NRAP: variants seen among roughly 807,000 people sequenced by gnomAD.
NRAP encodes nebulin related anchoring protein.
In NRAP, 189 loss-of-function variants were observed where a neutral mutation model predicts 225.9. That is an observed-to-expected ratio of 0.84 (90% CI 0.74 to 0.94). The LOEUF (loss-of-function observed/expected upper bound fraction) is 0.94. Among genes scored for constraint, NRAP ranks in the 40% least tolerant of loss-of-function variants. The probability of loss-of-function intolerance (pLI) is 0.00; values close to 1 mark genes in which losing one functional copy is unlikely to be tolerated. For missense variants in NRAP, 2,176 were observed against 2,168.7 expected (o/e 1.00, Z -0.07); for synonymous variants, 769 against 790.7 (o/e 0.97, Z 0.46).
At chr10:113,634,553 AC>A (rs1301879696) in intron 14 of NRAP, among the ~76,000 whole-genome samples, 1 of 152,216 alleles carries the variant, frequency 6.6e-6, no homozygotes, top group Non-Finnish European at 1.5e-5. Flanking sequence ...TGCTGGTAAC[AC>A]AAAGTGTTGG....
At chr10:113,647,542 G>A (rs61865008) in intron 9 of NRAP, among the ~76,000 whole-genome samples, 14,533 of 61,000 alleles carry the variant, frequency 0.24, 1,592 homozygotes, top group East Asian at 0.35. Context: ...TGTCTCCCCC[G>A]GTGGTACTGT....
intron 4 of NRAP, among the ~76,000 whole-genome samples, chr10:113,654,507 CA>C (rs56238053): frequency 0.093 from 11,942 of 128,518 alleles, 452 homozygotes; most frequent in South Asian, 0.15. Context: ...GCAATAAAAG[CA>C]AAAAAAAAAA....
At chr10:113,641,833 G>A (rs12771278) in intron 12 of NRAP, among the ~76,000 whole-genome samples, 13,039 of 152,184 alleles carry the variant, frequency 0.086, 660 homozygotes, top group South Asian at 0.17. Context: ...CTATGCGGAC[G>A]TCACATGCAA....
At position 113,645,943 on chromosome 10, in the gene NRAP, T is replaced by TAAA; in HGVS notation, c.994-3_994-2insTTT. 1.4e-6 allele frequency: 2 copies of TAAA among 1,444,626 alleles called. No individual in the cohort carries two copies. The highest frequency in any genetic ancestry group is 1.2e-5 in the South Asian group (1 of 80,162). 89.5% of individuals were successfully genotyped at this position (1,444,626 alleles called of 1,614,324 possible). A position where few individuals can be genotyped will look rare whatever the true frequency, so the allele number is the denominator to read the frequency against. ...ATTGAAGTCCTGCCTGTATTTTATCTGAAAAAAAAAACACAAAACGGGGCT... is the reference window on the plus strand; with the variant it reads ...ATTGAAGTCCTGCCTGTATTTTATCTAAAGAAAAAAAAAACACAAAACGGGGCT... On this transcript the variant is annotated splice_polypyrimidine_tract_variant and splice_region_variant and intron_variant, in intron 10 of 41. Coordinates refer to ENST00000359988, the MANE Select transcript of NRAP (RefSeq NM_198060.4).
intron 22 of NRAP, among the ~76,000 whole-genome samples, chr10:113,624,093 C>T (rs561935383): frequency 6.6e-6 from 1 of 152,162 alleles, no homozygotes. Flanking sequence ...TGTTCTCTCT[C>T]CTGCTCCTAT....
chr10:113,656,335 G>A (rs1349007870), intron 4 of NRAP, among the ~76,000 whole-genome samples: 1 of 152,116 alleles, frequency 6.6e-6, no homozygotes, highest in Non-Finnish European at 1.5e-5. Context: ...GAGGTGTCCT[G>A]CCTTTCCAGA....
At chr10:113,644,833 A>G (rs145522084) in intron 11 of NRAP, among the ~76,000 whole-genome samples, 2 of 152,348 alleles carry the variant, frequency 1.3e-5, no homozygotes, top group Non-Finnish European at 2.9e-5. Context: ...GTTGCAGATA[A>G]CTTGTTATGT....
intron 39 of NRAP, 116 bp from the exon 40 acceptor site, chr10:113,591,005 C>T: frequency 1.2e-6 from 1 of 836,782 alleles, no homozygotes; most frequent in African/African-American, 1.7e-5. Context: ...GGGTTAGAGG[C>T]ACAGGCTTTG....
intron 30 of NRAP, 90 bp downstream of exon 30, chr10:113,612,144 G>T (rs1592760508): frequency 2.9e-6 from 3 of 1,035,156 alleles, no homozygotes; most frequent in Non-Finnish European, 4.4e-6. Context: ...CACTTCCAGA[G>T]ATTTCACTGA....
At chr10:113,633,436 A>G (rs977118699) in intron 15 of NRAP, among the ~76,000 whole-genome samples, 2 of 152,236 alleles carry the variant, frequency 1.3e-5, no homozygotes, top group Admixed American at 1.3e-4. Flanking sequence ...TGACTGCTTC[A>G]CCAACTCCCC....
chr10:113,628,011 C>T (rs1470333203), intron 20 of NRAP, among the ~76,000 whole-genome samples: 1 of 152,106 alleles, frequency 6.6e-6, no homozygotes, highest in East Asian at 1.9e-4. Flanking sequence ...AACAAGAATC[C>T]TCTTGGAAGA....
chr10:113,625,114 G>T (rs2134001450), intron 21 of NRAP, among the ~76,000 whole-genome samples, 184 bp from the exon 22 acceptor site: 1 of 152,304 alleles, frequency 6.6e-6, no homozygotes, highest in African/African-American at 2.4e-5. Flanking sequence ...AGAAGGAGAA[G>T]CAGTGGGGAG....
rs1451589626 is a variant in NRAP at position 113,629,755 on chromosome 10, T to C, written c.1873A>G (p.Lys625Glu). The change falls in exon 19 of 42, where the codon AAG (lysine) becomes GAG (glutamate). Residue 625 changes from lysine to glutamate, a missense_variant. Around this residue, in one of 3 missense-constraint regions of NRAP, gnomAD observed 1,708 missense variants for 1,695.5 expected, o/e 1.01. Transcript: ENST00000359988. ...VEYKKGFEES[K>E]TRFHLPMDMV... is the part of the protein sequence containing the mutation. ...TCCATGGGCAGGTGAAACCGGGTCTTACTCTCTTCAAAGCCTTTCTTATAT... is the reference window on the plus strand; with the variant it reads ...TCCATGGGCAGGTGAAACCGGGTCTCACTCTCTTCAAAGCCTTTCTTATAT... 2 of 1,613,880 alleles carry C rather than the reference T, an allele frequency of 1.2e-6. No individual in the cohort carries two copies. The highest frequency in any genetic ancestry group is 2.7e-5 in the African/African-American group (2 of 74,940).
At position 113,588,753 on chromosome 10, in the gene NRAP, G is replaced by C; in HGVS notation, c.*222C>G. 1 of 567,874 alleles carries C rather than the reference G, an allele frequency of 1.8e-6. No homozygotes were observed. Among genetic ancestry groups the C allele is most frequent in the Admixed American group, 3.3e-5 (1 of 30,684 alleles). 35.2% of individuals were successfully genotyped at this position (567,874 alleles called of 1,614,324 possible). Reference sequence around the variant, plus strand: ...CATCACATCTTTATTCCTCAGCCCAGACACTCGAGGCACTCAACAGAATCA... The same window carrying C: ...CATCACATCTTTATTCCTCAGCCCACACACTCGAGGCACTCAACAGAATCA... On this transcript the variant is annotated 3_prime_UTR_variant, in exon 42 of 42. Transcript: ENST00000359988.
intron 40 of NRAP, among the ~76,000 whole-genome samples, chr10:113,590,192 G>A (rs1845879072): frequency 6.6e-6 from 1 of 152,202 alleles, no homozygotes; most frequent in African/African-American, 2.4e-5. Flanking sequence ...GTTTAGCATA[G>A]CCATCGAGAG....
rs745978637 is a variant in NRAP, at chr10:113,633,216, G to GT, written c.1528-29dup. The GT allele has an allele frequency of 2.8e-5, 36 of 1,276,682 alleles. No homozygotes were observed. In the East Asian group the frequency reaches 8.3e-4, roughly 29 times the overall value. The allele number at this position is 1,276,682 out of a possible 1,614,324, so 79.1% of individuals were successfully genotyped here. ...GTTGGATTTAAAATAAATCTGTAGGGTTTTTATATGGGCAGAAAGAGAACT... is the reference window on the plus strand; with the variant it reads ...GTTGGATTTAAAATAAATCTGTAGGGTTTTTTATATGGGCAGAAAGAGAACT... On this transcript the variant is annotated intron_variant, in intron 15 of 41. Coordinates refer to ENST00000359988, the MANE Select transcript of NRAP (RefSeq NM_198060.4).
rs531941793 is a variant in NRAP, at chr10:113,615,043, C to T, written c.3079-97G>A. 109 of 750,668 alleles carry T rather than the reference C, an allele frequency of 1.5e-4. No individual in the cohort carries two copies. The South Asian group carries it at 1.6e-3, about 11-fold the overall frequency. 46.5% of individuals were successfully genotyped at this position (750,668 alleles called of 1,614,324 possible). A position where few individuals can be genotyped will look rare whatever the true frequency, so the allele number is the denominator to read the frequency against. On this transcript the variant is annotated intron_variant, in intron 27 of 41. Coordinates refer to ENST00000359988, the MANE Select transcript of NRAP (RefSeq NM_198060.4). ...TTGGCAATCTGGTTTGTGGTGGGTC[C>T]CCTCCCTCCCCTGGCCAGTTGGAGT...
chr10:113,647,726 G>T (rs1016851504), intron 9 of NRAP, among the ~76,000 whole-genome samples: 15 of 152,056 alleles, frequency 9.9e-5, no homozygotes, highest in Non-Finnish European at 1.5e-4. Context: ...CTTCCCCAAT[G>T]GTATGTGTCA....
intron 11 of NRAP, 132 bp from the exon 12 acceptor site, chr10:113,643,170 G>C: frequency 2.0e-6 from 1 of 501,514 alleles, no homozygotes; most frequent in Non-Finnish European, 3.6e-6. Context: ...CATAGAATAT[G>C]CTAAGTTAGC....
Sources: gnomAD v4.1 joint callset for allele counts (sites outside exome capture counted in the v4.1 genomes callset) on GRCh38, gnomAD v4.1.1 for gene constraint, gnomAD v4.1.1 regional missense constraint, MANE v1.5 for transcripts, NCBI Gene and HGNC (gene_info 2026-07-23, HGNC 2026-07-21) for gene names.